FOXN3: variants seen among roughly 807,000 people sequenced by gnomAD.
FOXN3 encodes forkhead box protein N3.
Under a neutral mutation model 38.4 loss-of-function variants are expected in FOXN3, and 7 were observed. The observed-to-expected ratio is 0.18, with a 90% CI of 0.10 to 0.34. The LOEUF (loss-of-function observed/expected upper bound fraction) is 0.34, where lower values mean the gene tolerates loss of function less well. Among genes scored for constraint, FOXN3 ranks in the 10% least tolerant of loss-of-function variants. FOXN3 has a pLI of 1.00. For synonymous variants in FOXN3, 230 were observed against 242.2 expected, an observed-to-expected ratio of 0.95 and a Z score of 0.47; for missense variants, 456 against 613.4, an observed-to-expected ratio of 0.74 and a Z score of 2.71.
intron 1 of FOXN3, among the ~76,000 whole-genome samples, chr14:89,470,106 C>T (rs1213016967): frequency 6.6e-6 from 1 of 152,208 alleles, no homozygotes; most frequent in Non-Finnish European, 1.5e-5. Flanking sequence ...TCATAAGCGT[C>T]TATTTATACA....
intron 1 of FOXN3, among the ~76,000 whole-genome samples, chr14:89,449,492 A>C (rs1892573313): frequency 1.3e-5 from 2 of 152,268 alleles, no homozygotes; most frequent in African/African-American, 4.8e-5. Context: ...AAAGAAATTT[A>C]ATAGTTCAAC....
intron 1 of FOXN3, among the ~76,000 whole-genome samples, chr14:89,566,844 T>TCCA (rs1566702458): frequency 6.6e-6 from 1 of 151,264 alleles, no homozygotes; most frequent in East Asian, 2.0e-4. Flanking sequence ...CTCCTCCTCC[T>TCCA]CCACCTCCTC....
At chr14:89,334,477 G>A (rs913731972) in intron 3 of FOXN3, among the ~76,000 whole-genome samples, 2 of 152,012 alleles carry the variant, frequency 1.3e-5, no homozygotes, top group Non-Finnish European at 2.9e-5. Flanking sequence ...AAGTGTGGTG[G>A]TGCACACCTG....
rs114861120 is a variant in FOXN3 at position 89,491,734 on chromosome 14, C to T, written c.-14-79244G>A. 4.8e-3 allele frequency among the ~76,000 whole-genome samples: 737 copies of T among 152,268 alleles called. 8 individuals carry two copies. The highest frequency in any genetic ancestry group is 0.017 in the African/African-American group (701 of 41,550). On this transcript the variant is annotated intron_variant, in intron 1 of 6. Coordinates refer to the FOXN3 transcript ENST00000345097. ...ACCATTTATGACTGGGAATAAGATC[C>T]GTCTGTACCTTCATGCTTCTCTTAG...
chr14:89,301,772 T>TA (rs1364364136), intron 3 of FOXN3, among the ~76,000 whole-genome samples: 47 of 149,402 alleles, frequency 3.1e-4, no homozygotes, highest in East Asian at 9.8e-4. Context: ...TGTCTCAAAA[T>TA]AAAAAAAAAA....
intron 1 of FOXN3, among the ~76,000 whole-genome samples, chr14:89,525,426 C>A (rs1202706632): frequency 1.3e-5 from 2 of 152,134 alleles, no homozygotes; most frequent in Non-Finnish European, 2.9e-5. Flanking sequence ...GGAAGTTACC[C>A]TATATGGTCT....
At chr14:89,538,676 G>C (rs1198898651) in intron 1 of FOXN3, among the ~76,000 whole-genome samples, 2 of 151,378 alleles carry the variant, frequency 1.3e-5, no homozygotes, top group African/African-American at 4.9e-5. Flanking sequence ...GCGCCACCAC[G>C]CCTGGCTAAT....
At chr14:89,455,975 C>T (rs1263975974) in intron 1 of FOXN3, among the ~76,000 whole-genome samples, 1 of 151,390 alleles carries the variant, frequency 6.6e-6, no homozygotes, top group Non-Finnish European at 1.5e-5. Context: ...GCGGGCAGAT[C>T]ACGAGGTCAG....
Position 89,276,667 on chromosome 14 carries a change from C to T in FOXN3, c.745+4283G>A, listed in dbSNP as rs544260919. Among the ~76,000 whole-genome samples the T allele has an allele frequency of 4.6e-5, 7 of 152,310 alleles. No homozygotes were observed. The South Asian group carries it at 8.3e-4, about 18-fold the overall frequency. On this transcript the variant is annotated intron_variant, in intron 4 of 5. Coordinates refer to ENST00000557258, the MANE Select transcript of FOXN3 (RefSeq NM_005197.4). ...CTTCCCCTGGGGATCTCCAGCCTAA[C>T]CCAGGACTGGACACACAGAGATGTA...
intron 4 of FOXN3, among the ~76,000 whole-genome samples, chr14:89,245,214 T>C (rs1885255013): frequency 6.6e-6 from 1 of 152,232 alleles, no homozygotes; most frequent in Admixed American, 6.5e-5. Flanking sequence ...ATGAACAGAC[T>C]TGTATTTTTG....
chr14:89,439,417 T>A (rs1193277007), intron 1 of FOXN3, among the ~76,000 whole-genome samples: 1 of 152,118 alleles, frequency 6.6e-6, no homozygotes, highest in Non-Finnish European at 1.5e-5. Context: ...GGCCAAAACC[T>A]GCCAAAACCA....
intron 1 of FOXN3, among the ~76,000 whole-genome samples, chr14:89,569,201 T>A (rs1895438886): frequency 6.7e-6 from 1 of 148,876 alleles, no homozygotes; most frequent in South Asian, 2.1e-4. Context: ...CGAGACTCCG[T>A]CTCAAAGAAA....
intron 4 of FOXN3, chr14:89,263,583 AT>A (rs1345275071): frequency 2.6e-5 from 4 of 152,176 alleles, no homozygotes; most frequent in African/African-American, 9.7e-5. Flanking sequence ...TGACAATCCT[AT>A]TTTTTAACCA....
Position 89,163,508 on chromosome 14 carries a change from C to A in FOXN3, c.852-539G>T, listed in dbSNP as rs565288242. Reference sequence around the variant, plus strand: ...CTCGTTCATGCAATCTACAAATACTCACTGAGCGCCTAACAGAAATGCATG... The same window carrying A: ...CTCGTTCATGCAATCTACAAATACTAACTGAGCGCCTAACAGAAATGCATG... On this transcript the variant is annotated intron_variant, in intron 5 of 5. Transcript: ENST00000557258. This position sits in a 1 kb window ranked among gnomAD's most constrained non-coding sequence, Gnocchi z 4.3. Among the ~76,000 whole-genome samples, 17 of 152,288 alleles carry A rather than the reference C, an allele frequency of 1.1e-4. No individual in the cohort carries two copies. Among genetic ancestry groups the A allele is most frequent in the African/African-American group, 4.1e-4 (17 of 41,556 alleles).
chr14:89,276,305 C>G (rs1057344685), intron 4 of FOXN3, among the ~76,000 whole-genome samples: 2 of 152,118 alleles, frequency 1.3e-5, no homozygotes, highest in East Asian at 3.9e-4. Context: ...TAACAACAAC[C>G]AACAGAAGTG....
intron 5 of FOXN3, among the ~76,000 whole-genome samples, chr14:89,166,083 G>A (rs1448307820): frequency 1.3e-5 from 2 of 152,162 alleles, no homozygotes; most frequent in African/African-American, 4.8e-5. Flanking sequence ...AAGGGTCTGT[G>A]CTATTCATTG....
At chr14:89,167,612 G>T (rs184565655) in intron 5 of FOXN3, among the ~76,000 whole-genome samples, 1 of 152,284 alleles carries the variant, frequency 6.6e-6, no homozygotes, top group East Asian at 1.9e-4. Flanking sequence ...TCCACCTCCA[G>T]CCAAGTGGTA....
intron 3 of FOXN3, among the ~76,000 whole-genome samples, chr14:89,294,362 C>A (rs1886972337): frequency 6.6e-6 from 1 of 152,254 alleles, no homozygotes. Flanking sequence ...GTCAACAAAG[C>A]CTCTCATTTT....
intron 3 of FOXN3, among the ~76,000 whole-genome samples, chr14:89,292,900 T>G (rs1886920234): frequency 6.6e-6 from 1 of 152,188 alleles, no homozygotes; most frequent in Non-Finnish European, 1.5e-5. Context: ...TTACACAAAC[T>G]TCCTGTTACT....
Sources: allele counts gnomAD v4.1 joint callset (sites outside exome capture counted in the v4.1 genomes callset), GRCh38; gene constraint gnomAD v4.1.1; non-coding constraint Gnocchi (gnomAD v3.1); transcripts MANE v1.5; gene names NCBI Gene and HGNC (gene_info 2026-07-23, HGNC 2026-07-21).